Variants in PDZD2 observed in about 807,000 individuals in gnomAD.
PDZD2 encodes the protein PDZ domain-containing protein 2.
Under a neutral mutation model 220.7 loss-of-function variants are expected in PDZD2, and 90 were observed. The ratio of observed to expected loss-of-function variants is 0.41; its 90% CI spans 0.34 to 0.49. The LOEUF (loss-of-function observed/expected upper bound fraction) is 0.49. Ranked by LOEUF, PDZD2 falls within the 20% of genes least tolerant of loss-of-function variation. PDZD2 has a pLI of 0.28. For missense variants in PDZD2, 3,174 were observed against 3,608.5 expected (o/e 0.88, Z 3.08); for synonymous variants, 1,375 against 1,450.5 (o/e 0.95, Z 1.18).
intron 7 of PDZD2, among the ~76,000 whole-genome samples, chr5:32,038,210 A>T (rs74744074): frequency 0.049 from 7,307 of 147,774 alleles, 651 homozygotes; most frequent in African/African-American, 0.18. Context: ...AAGTAAAAAT[A>T]GTATTTTATG....
chr5:31,858,210 A>G (rs914015675), intron 2 of PDZD2, among the ~76,000 whole-genome samples: 2 of 151,752 alleles, frequency 1.3e-5, no homozygotes, highest in African/African-American at 4.8e-5. Flanking sequence ...TGATCCGCCC[A>G]TCTTGGCCTC....
rs775211087 is a variant in PDZD2, at chr5:32,089,416, A to G, written c.5968A>G (p.Lys1990Glu). 8 of 1,613,988 alleles carry G rather than the reference A, an allele frequency of 5.0e-6. No homozygotes were observed. Among genetic ancestry groups the G allele is most frequent in the Non-Finnish European group, 5.9e-6 (7 of 1,180,010 alleles). The change falls in exon 20 of 25, where the codon AAG becomes GAG. Residue 1990 changes from lysine (K) to glutamate (E), a missense_variant. Transcript: ENST00000438447. ...RTFVSPLTSP[K>E]PVPEQGMWSR... The stretch of plus-strand genomic sequence containing the variant: ...ATTTGTCTCGCCCCTGACCTCTCCC[A>G]AGCCTGTTCCTGAGCAAGGCATGTG...
At chr5:31,851,857 C>T (rs1758072141) in intron 2 of PDZD2, among the ~76,000 whole-genome samples, 1 of 149,998 alleles carries the variant, frequency 6.7e-6, no homozygotes, top group African/African-American at 2.4e-5. Flanking sequence ...GATGTGGTCA[C>T]ATTTTTTTTT....
chr5:31,653,683 G>A (rs571159428), intron 1 of PDZD2, among the ~76,000 whole-genome samples: 4 of 152,106 alleles, frequency 2.6e-5, no homozygotes, highest in African/African-American at 9.7e-5. Context: ...ACTGTCACAC[G>A]TGCAGCCCAA....
chr5:31,964,923 C>T (rs1748590707), intron 2 of PDZD2, among the ~76,000 whole-genome samples: 1 of 152,044 alleles, frequency 6.6e-6, no homozygotes, highest in Non-Finnish European at 1.5e-5. Context: ...TACACTGTAC[C>T]GTGTTAGCCA....
At chr5:32,052,487 C>A in intron 8 of PDZD2, 124 bp from the exon 9 acceptor site, 2 of 902,468 alleles carry the variant, frequency 2.2e-6, no homozygotes, top group Non-Finnish European at 1.8e-6. Flanking sequence ...AGTCACTGAA[C>A]CAGAGAGAAA....
intron 1 of PDZD2, among the ~76,000 whole-genome samples, chr5:31,743,613 AGGG>A (rs1047428627): frequency 1.3e-5 from 2 of 152,208 alleles, no homozygotes; most frequent in African/African-American, 4.8e-5. Flanking sequence ...CGCTAGAAAT[AGGG>A]GAATGGCTCT....
intron 2 of PDZD2, among the ~76,000 whole-genome samples, chr5:31,856,935 T>TATAA (rs1491386991): frequency 1.3e-4 from 14 of 107,902 alleles, no homozygotes; most frequent in Admixed American, 3.7e-4. Context: ...TATATATATA[T>TATAA]AACTTTAAAA....
chr5:31,897,893 C>T (rs1352207140), intron 2 of PDZD2, among the ~76,000 whole-genome samples: 1 of 152,118 alleles, frequency 6.6e-6, no homozygotes, highest in Non-Finnish European at 1.5e-5. Context: ...CCTGCCATCA[C>T]ATCTGGCTAA....
chr5:32,090,609 CGCA>C lies in PDZD2; in HGVS notation c.7168_7170del (p.Ala2390del), dbSNP rs765620885. The C allele has an allele frequency of 7.4e-5, 120 of 1,613,910 alleles. No individual in the cohort carries two copies. The highest frequency in any genetic ancestry group is 6.6e-5 in the Non-Finnish European group (78 of 1,180,014). ...CCGGGAGCCTGGGCCACCCAGGTGACGCAGCAGCAAGGTTGTTGAGACGCAGCT... is the reference window on the plus strand; with the variant it reads ...CCGGGAGCCTGGGCCACCCAGGTGACGCAGCAAGGTTGTTGAGACGCAGCT... On this transcript the variant is annotated inframe_deletion, in exon 20 of 25. Coordinates refer to ENST00000438447, the MANE Select transcript of PDZD2 (RefSeq NM_178140.4). The surrounding 1 kb of genome is among the most constrained non-coding windows in gnomAD (Gnocchi z 4.3).
chr5:31,945,682 C>T (rs1464709571), intron 2 of PDZD2, among the ~76,000 whole-genome samples: 1 of 151,944 alleles, frequency 6.6e-6, no homozygotes, highest in Admixed American at 6.6e-5. Context: ...TGTTCTGCCG[C>T]AGCTTTCATA....
intron 1 of PDZD2, among the ~76,000 whole-genome samples, chr5:31,751,042 A>G (rs1750932043): frequency 6.6e-6 from 1 of 152,102 alleles, no homozygotes; most frequent in Admixed American, 6.5e-5. Context: ...CAGGAGTTTG[A>G]GACCAGCCTG....
At chr5:32,014,931 A>ATC (rs1753662915) in intron 6 of PDZD2, among the ~76,000 whole-genome samples, 4 of 117,188 alleles carry the variant, frequency 3.4e-5, no homozygotes, top group African/African-American at 1.4e-4. Context: ...GATAGTCTCA[A>ATC]TCTCTCTCTT....
chr5:32,003,992 A>G (rs1398264479), intron 5 of PDZD2, among the ~76,000 whole-genome samples: 3 of 152,120 alleles, frequency 2.0e-5, no homozygotes, highest in African/African-American at 2.4e-5. Context: ...GATTGCAGGC[A>G]TGAGCCACTG....
intron 2 of PDZD2, among the ~76,000 whole-genome samples, chr5:31,957,345 C>T (rs1279715735): frequency 6.6e-6 from 1 of 152,236 alleles, no homozygotes; most frequent in Non-Finnish European, 1.5e-5. Context: ...GGAATTTAAT[C>T]TAGCACAAGA....
intron 21 of PDZD2, 80 bp from the exon 22 acceptor site, chr5:32,097,199 C>G: frequency 1.1e-6 from 1 of 901,978 alleles, no homozygotes; most frequent in Non-Finnish European, 1.9e-6. Flanking sequence ...TTCCTTACTC[C>G]TGGCCCAAGG....
chr5:31,692,146 G>A (rs192874041), intron 1 of PDZD2, among the ~76,000 whole-genome samples: 4,757 of 143,542 alleles, frequency 0.033, 246 homozygotes, highest in African/African-American at 0.12. Flanking sequence ...TGCAGGTCCC[G>A]AGCCCTGCTC....
intron 2 of PDZD2, among the ~76,000 whole-genome samples, chr5:31,975,395 A>G (rs765945083): frequency 6.6e-6 from 1 of 152,192 alleles, no homozygotes; most frequent in Non-Finnish European, 1.5e-5. Context: ...ACCCACTGCT[A>G]TGATTCAGTT....
At chr5:31,782,495 G>A (rs1398409384) in intron 1 of PDZD2, among the ~76,000 whole-genome samples, 1 of 152,146 alleles carries the variant, frequency 6.6e-6, no homozygotes, top group East Asian at 1.9e-4. Flanking sequence ...TCATGCAGGA[G>A]TTGGCACCTC....
Sources: allele counts gnomAD v4.1 joint callset (sites outside exome capture counted in the v4.1 genomes callset), GRCh38; gene constraint gnomAD v4.1.1; non-coding constraint Gnocchi (gnomAD v3.1); transcripts MANE v1.5; gene names NCBI Gene and HGNC (gene_info 2026-07-23, HGNC 2026-07-21).